LZTFL1: variants seen among roughly 807,000 people sequenced by gnomAD.
LZTFL1 encodes leucine zipper transcription factor-like protein 1.
A neutral mutation model predicts 45.9 loss-of-function variants in LZTFL1; 25 were observed. The ratio of observed to expected loss-of-function variants is 0.54; its 90% confidence interval spans 0.40 to 0.76. LZTFL1 has a LOEUF of 0.76. LZTFL1 is among the 30% of genes least tolerant of loss of function. LZTFL1 has a pLI of 0.00. For synonymous variants in LZTFL1, 93 were observed against 117.4 expected, an observed-to-expected ratio of 0.79 and a Z score of 1.35; for missense variants, 277 against 331.1, an observed-to-expected ratio of 0.84 and a Z score of 1.27.
At chr3:45,899,586 T>A (rs1477448778) in intron 2 of LZTFL1, among the ~76,000 whole-genome samples, 1 of 152,078 alleles carries the variant, frequency 6.6e-6, no homozygotes, top group African/African-American at 2.4e-5. Context: ...AGAGATGAGA[T>A]TTGGCAAGGA....
At chr3:45,859,786 A>G (rs771500827) in intron 2 of LZTFL1, among the ~76,000 whole-genome samples, 14 of 151,794 alleles carry the variant, frequency 9.2e-5, no homozygotes, top group Non-Finnish European at 7.4e-5. Context: ...ACAGGCTCCC[A>G]CCACCACACC....
rs184613239 is a variant in LZTFL1, at chr3:45,839,467, C to A, written c.4-1416G>T. On this transcript the variant is annotated intron_variant, in intron 1 of 9. Transcript: ENST00000296135. ...TCCCAAAACCTCCCAAACTCTCTTACCCTGTTTCCCAGGATTCTACTAAAT... is the reference window on the plus strand; with the variant it reads ...TCCCAAAACCTCCCAAACTCTCTTAACCTGTTTCCCAGGATTCTACTAAAT... Among the ~76,000 whole-genome samples the A allele has an allele frequency of 2.0e-5, 3 of 152,298 alleles. No individual in the cohort carries two copies. The East Asian group carries it at 5.8e-4, about 29-fold the overall frequency.
chr3:45,841,376 A>G (rs1701107738), intron 1 of LZTFL1, among the ~76,000 whole-genome samples: 1 of 152,192 alleles, frequency 6.6e-6, no homozygotes, highest in Admixed American at 6.5e-5. Flanking sequence ...GATTAATGAT[A>G]TTTTTTGAGC....
intron 2 of LZTFL1, chr3:45,895,210 T>A: frequency 3.8e-6 from 2 of 533,120 alleles, no homozygotes; most frequent in South Asian, 5.3e-5. Flanking sequence ...GCTAAGGATT[T>A]TTAACCATCT....
rs545447246 is a variant in LZTFL1 at position 45,905,445 on chromosome 3, G to A, written c.-215+7675C>T. ...CATGCAAATATGTGTCTTTCCAACA[G>A]GTGATTCCTTATGAGGTCCTCTCCA... On this transcript the variant is annotated intron_variant, in intron 2 of 4. Transcript: ENST00000472635. Among the ~76,000 whole-genome samples the A allele has an allele frequency of 3.9e-5, 6 of 152,310 alleles. No homozygotes were observed. In the South Asian group the frequency reaches 8.3e-4, roughly 21 times the overall value.
intron 2 of LZTFL1, chr3:45,902,510 G>A (rs1702591229): frequency 6.0e-6 from 1 of 167,270 alleles, no homozygotes; most frequent in East Asian, 1.9e-4. Flanking sequence ...CGATCTGCAG[G>A]TCTTGCCAGT....
intron 1 of LZTFL1, 78 bp downstream of exon 1, chr3:45,841,911 G>T: frequency 6.4e-7 from 1 of 1,552,564 alleles, no homozygotes; most frequent in Non-Finnish European, 8.8e-7. Flanking sequence ...ATCATTCCGG[G>T]CCCACCCGCT....
At chr3:45,842,251 C>T (rs769675432), upstream of LZTFL1, 4 of 1,210,718 alleles carry the variant, frequency 3.3e-6, no homozygotes, top group Non-Finnish European at 4.4e-6. Flanking sequence ...CCGGAAGTCC[C>T]ACCTTTTTGT....
chr3:45,835,396 T>C (rs537609453), intron 3 of LZTFL1, 194 bp downstream of exon 3: 3 of 564,098 alleles, frequency 5.3e-6, no homozygotes, highest in South Asian at 2.4e-5. Context: ...CTAGGAACAG[T>C]AGAAACAGAG....
At chr3:45,888,636 C>T (rs921042729) in intron 2 of LZTFL1, among the ~76,000 whole-genome samples, 3 of 152,146 alleles carry the variant, frequency 2.0e-5, no homozygotes, top group Admixed American at 6.5e-5. Flanking sequence ...CATCCACTCC[C>T]GACAGACCGC....
chr3:45,871,691 G>C (rs1464530371), intron 2 of LZTFL1, among the ~76,000 whole-genome samples: 1 of 151,036 alleles, frequency 6.6e-6, no homozygotes. Flanking sequence ...TTTTTCCATA[G>C]AGTGACGCTA....
intron 2 of LZTFL1, among the ~76,000 whole-genome samples, chr3:45,876,306 G>A (rs987353568): frequency 2.2e-4 from 33 of 152,206 alleles, no homozygotes; most frequent in African/African-American, 8.0e-4. Context: ...TTTGAATGAT[G>A]TTCCTGCATT....
intron 2 of LZTFL1, among the ~76,000 whole-genome samples, chr3:45,898,572 A>G (rs1392683194): frequency 1.3e-5 from 2 of 152,212 alleles, no homozygotes; most frequent in Non-Finnish European, 2.9e-5. Context: ...TCTTTGCAAT[A>G]GGATTTTCTC....
At chr3:45,909,756 A>G (rs1702756638) in intron 2 of LZTFL1, among the ~76,000 whole-genome samples, 1 of 152,244 alleles carries the variant, frequency 6.6e-6, no homozygotes, top group Non-Finnish European at 1.5e-5. Flanking sequence ...CGTGGGTGGC[A>G]CTTTCTCAGG....
chr3:45,859,425 CT>C (rs1268059934), intron 2 of LZTFL1, among the ~76,000 whole-genome samples: 1 of 152,088 alleles, frequency 6.6e-6, no homozygotes, highest in Non-Finnish European at 1.5e-5. Flanking sequence ...CAGCGTCTCG[CT>C]TTTTTGCCCA....
Position 45,900,861 on chromosome 3 carries a change from A to T in LZTFL1, c.-215+12259T>A. 1 of 1,614,106 alleles carries T rather than the reference A, an allele frequency of 6.2e-7. No individual in the cohort carries two copies. Among genetic ancestry groups the T allele is most frequent in the African/African-American group, 1.3e-5 (1 of 75,030 alleles). On this transcript the variant is annotated intron_variant, in intron 2 of 4. Coordinates refer to the LZTFL1 transcript ENST00000472635. This position sits in a 1 kb window ranked among gnomAD's most constrained non-coding sequence, Gnocchi z 4.7. ...CTATGGCTCTGAATCCACATCTTCC[A>T]TGGAAGACTACGTTAACTTCAACTT...
At chr3:45,904,146 T>C (rs1188248593) in intron 2 of LZTFL1, among the ~76,000 whole-genome samples, 1 of 152,208 alleles carries the variant, frequency 6.6e-6, no homozygotes, top group East Asian at 1.9e-4. Flanking sequence ...ATGTTTTAAA[T>C]GCCCAGACTC....
chr3:45,886,495 G>A (rs1701984458), intron 2 of LZTFL1: 1 of 152,234 alleles, frequency 6.6e-6, no homozygotes, highest in African/African-American at 2.4e-5. Context: ...CACAGGCAGG[G>A]GTGGCCTGGC....
chr3:45,866,886 G>T (rs186703870), intron 2 of LZTFL1, among the ~76,000 whole-genome samples: 2 of 152,202 alleles, frequency 1.3e-5, no homozygotes, highest in Admixed American at 1.3e-4. Flanking sequence ...AGTGGCTCAC[G>T]CCTGTAATCC....
Sources: gnomAD v4.1 joint callset for allele counts (sites outside exome capture counted in the v4.1 genomes callset) on GRCh38, gnomAD v4.1.1 for gene constraint, Gnocchi (gnomAD v3.1) non-coding constraint, MANE v1.5 for transcripts, NCBI Gene and HGNC (gene_info 2026-07-23, HGNC 2026-07-21) for gene names.